The following CADPS2 variants were observed in gnomAD, a reference collection of about 807,000 sequenced individuals.
CADPS2 encodes calcium dependent secretion activator 2.
CADPS2 carries 93 observed loss-of-function variants against 172.5 expected under a neutral mutation model. The ratio of observed to expected loss-of-function variants is 0.54; its 90% CI spans 0.46 to 0.64. CADPS2 has a LOEUF of 0.64. Ranked by LOEUF, CADPS2 falls within the 30% of genes least tolerant of loss-of-function variation. The pLI, the probability that CADPS2 is intolerant of heterozygous loss-of-function variation, is 0.00. For synonymous variants in CADPS2, 546 were observed against 555.2 expected, an observed-to-expected ratio of 0.98 and a Z score of 0.23; for missense variants, 1,420 against 1,565.9, an observed-to-expected ratio of 0.91 and a Z score of 1.57.
intron 2 of CADPS2, among the ~76,000 whole-genome samples, chr7:122,730,719 C>T (rs1051756820): frequency 2.8e-4 from 42 of 151,598 alleles, no homozygotes; most frequent in African/African-American, 7.5e-4. Context: ...ATTATACAGG[C>T]GGTATTTGTT....
Position 122,669,358 on chromosome 7 carries a change from T to A in CADPS2, c.454-5789A>T, listed in dbSNP as rs553025446. Among the ~76,000 whole-genome samples, 640 of 141,942 alleles carry A rather than the reference T, an allele frequency of 4.5e-3. 2 individuals are homozygous for A. The highest frequency in any genetic ancestry group is 0.022 in the South Asian group (100 of 4,574). The allele number at this position is 141,942 out of a possible 152,430, so 93.1% of individuals were successfully genotyped here. A position where few individuals can be genotyped will look rare whatever the true frequency, so the allele number is the denominator to read the frequency against. The stretch of plus-strand genomic sequence containing the variant: ...GAAAAAATATATATATATATATATT[T>A]TTTTTTTTTGAGAAAAAGTAATTAC... On this transcript the variant is annotated intron_variant, in intron 2 of 29. Transcript: ENST00000449022.
intron 8 of CADPS2, among the ~76,000 whole-genome samples, chr7:122,545,935 C>T (rs6978199): frequency 0.55 from 84,172 of 151,772 alleles, 23,271 homozygotes; most frequent in Admixed American, 0.58. Context: ...AATATTGATA[C>T]GTAAAATAAC....
chr7:122,761,735 C>T (rs1310860811), intron 1 of CADPS2, among the ~76,000 whole-genome samples: 1 of 151,590 alleles, frequency 6.6e-6, no homozygotes, highest in Admixed American at 6.6e-5. Context: ...TGGCTCACAC[C>T]TGTAATCCCA....
At chr7:122,800,775 G>A (rs1324156205) in intron 1 of CADPS2, among the ~76,000 whole-genome samples, 1 of 152,022 alleles carries the variant, frequency 6.6e-6, no homozygotes, top group Non-Finnish European at 1.5e-5. Flanking sequence ...GATCACTTTC[G>A]AAGTCAGGAG....
chr7:122,677,697 A>G (rs1264845911), intron 2 of CADPS2, among the ~76,000 whole-genome samples: 1 of 152,214 alleles, frequency 6.6e-6, no homozygotes, highest in Non-Finnish European at 1.5e-5. Context: ...GTAAAGAGAC[A>G]TGGCCAAGAT....
At chr7:122,862,509 C>T (rs376389061) in intron 1 of CADPS2, among the ~76,000 whole-genome samples, 116 of 152,284 alleles carry the variant, frequency 7.6e-4, no homozygotes, top group African/African-American at 2.7e-3. Context: ...GCCTCTCTCT[C>T]TCATGGCTAT....
intron 6 of CADPS2, among the ~76,000 whole-genome samples, chr7:122,594,504 T>C (rs929066575): frequency 3.3e-5 from 5 of 151,940 alleles, no homozygotes; most frequent in African/African-American, 1.2e-4. Flanking sequence ...TCCAGAATAA[T>C]AGGATAAAAT....
At chr7:122,356,808 A>G (rs1306076216) in intron 27 of CADPS2, among the ~76,000 whole-genome samples, 1 of 152,150 alleles carries the variant, frequency 6.6e-6, no homozygotes, top group Non-Finnish European at 1.5e-5. Context: ...TCTTTGAAAC[A>G]CAGAGTTTCC....
rs1307270696 is a variant in CADPS2, at chr7:122,737,094, GATAA to G, written c.340-30_340-27del. On this transcript the variant is annotated intron_variant, in intron 1 of 29. Coordinates refer to ENST00000449022, the MANE Select transcript of CADPS2 (RefSeq NM_017954.11). ...CTACAAGAAAAAGAGAAAATAAGCAGATAAATTGGCCAGTACATGAAAAAATAAT... is the reference window on the plus strand; with the variant it reads ...CTACAAGAAAAAGAGAAAATAAGCAGATTGGCCAGTACATGAAAAAATAAT... 3 of 1,248,170 alleles carry G rather than the reference GATAA, an allele frequency of 2.4e-6. No homozygotes were observed. The African/African-American group carries it at 4.4e-5, about 18-fold the overall frequency. 77.3% of individuals were successfully genotyped at this position (1,248,170 alleles called of 1,614,324 possible). A position where few individuals can be genotyped will look rare whatever the true frequency, so the allele number is the denominator to read the frequency against.
chr7:122,544,231 T>C (rs999747811), intron 8 of CADPS2, among the ~76,000 whole-genome samples: 1 of 152,180 alleles, frequency 6.6e-6, no homozygotes, highest in African/African-American at 2.4e-5. Context: ...GCAAGCCATA[T>C]TGTGCAGGAA....
Position 122,712,199 on chromosome 7 carries a change from A to G in CADPS2, c.453+24756T>C, listed in dbSNP as rs965394152. Among the ~76,000 whole-genome samples, 27 of 152,018 alleles carry G rather than the reference A, an allele frequency of 1.8e-4. 1 individual carries two copies. Among genetic ancestry groups the G allele is most frequent in the Admixed American group, 9.2e-4 (14 of 15,230 alleles). ...GGTTGTCATCTTTACCTCTCAAATT[A>G]TAAGATTTTCGAGGGCAGGACTTCG... On this transcript the variant is annotated intron_variant, in intron 2 of 29. Coordinates refer to ENST00000449022, the MANE Select transcript of CADPS2 (RefSeq NM_017954.11).
chr7:122,491,308 T>C lies in CADPS2; in HGVS notation c.1651+4A>G. The C allele has an allele frequency of 6.3e-7, 1 of 1,576,592 alleles. No individual in the cohort carries two copies. The highest frequency in any genetic ancestry group is 8.7e-7 in the Non-Finnish European group (1 of 1,156,028). ...GCAGGAAAAGTGATTCAATTAAGAT[T>C]TACCTGGGTGGGGATCGGTATAATC... On this transcript the variant is annotated splice_donor_region_variant and intron_variant, in intron 10 of 29. Coordinates refer to ENST00000449022, the MANE Select transcript of CADPS2 (RefSeq NM_017954.11).
At chr7:122,500,880 A>C (rs2059139929) in intron 9 of CADPS2, among the ~76,000 whole-genome samples, 1 of 152,120 alleles carries the variant, frequency 6.6e-6, no homozygotes, top group Non-Finnish European at 1.5e-5. Flanking sequence ...AAAATATTGG[A>C]AGGTATTGTG....
At chr7:122,797,668 G>A (rs1482728090) in intron 1 of CADPS2, among the ~76,000 whole-genome samples, 3 of 143,066 alleles carry the variant, frequency 2.1e-5, no homozygotes, top group African/African-American at 2.7e-5. Context: ...CACCTAGAGG[G>A]GAATGATGGA....
intron 1 of CADPS2, among the ~76,000 whole-genome samples, chr7:122,809,579 C>CAA (rs34872485): frequency 6.9e-5 from 7 of 101,708 alleles, no homozygotes; most frequent in East Asian, 3.3e-4. Context: ...GACACTGTCT[C>CAA]AAAAAAAAAA....
At chr7:122,765,897 C>A (rs1032246830) in intron 1 of CADPS2, among the ~76,000 whole-genome samples, 2 of 151,980 alleles carry the variant, frequency 1.3e-5, no homozygotes, top group Admixed American at 6.6e-5. Flanking sequence ...GGGCTCAATT[C>A]CTGTAGAGGA....
At chr7:122,382,733 C>T (rs755196205) in intron 24 of CADPS2, among the ~76,000 whole-genome samples, 126 of 152,040 alleles carry the variant, frequency 8.3e-4, no homozygotes, top group African/African-American at 2.5e-3. Context: ...GTGGGAGGAT[C>T]GCCTGAGCCT....
At chr7:122,737,112 T>A (rs778182284) in intron 1 of CADPS2, 44 bp from the exon 2 acceptor site, 6 of 975,956 alleles carry the variant, frequency 6.1e-6, no homozygotes. Flanking sequence ...GGCCAGTACA[T>A]GAAAAAATAA....
chr7:122,605,050 C>A (rs1378071025), intron 6 of CADPS2, among the ~76,000 whole-genome samples: 1 of 151,984 alleles, frequency 6.6e-6, no homozygotes, highest in Non-Finnish European at 1.5e-5. Context: ...ATACTGTAGA[C>A]AACTGTAACA....
Sources: allele counts gnomAD v4.1 joint callset (sites outside exome capture counted in the v4.1 genomes callset), GRCh38; gene constraint gnomAD v4.1.1; transcripts MANE v1.5; gene names NCBI Gene and HGNC (gene_info 2026-07-23, HGNC 2026-07-21).